Variants in CROCC2 observed in about 807,000 individuals in gnomAD.
CROCC2 encodes the protein ciliary rootlet coiled-coil, rootletin family member 2, also known as ciliary rootlet coiled-coil protein 2.
A neutral mutation model predicts 177.6 loss-of-function variants in CROCC2; 163 were observed. The observed-to-expected ratio is 0.92, with a 90% CI of 0.81 to 1.05. The LOEUF (loss-of-function observed/expected upper bound fraction) is 1.05. Among genes scored for constraint, CROCC2 ranks in the 50% least tolerant of loss-of-function variants. The probability of loss-of-function intolerance (pLI) is 0.00; values close to 1 mark genes in which losing one functional copy is unlikely to be tolerated. For synonymous variants in CROCC2, 904 were observed against 787.3 expected, an observed-to-expected ratio of 1.15 and a Z score of -2.48; for missense variants, 1,929 against 1,797.8, an observed-to-expected ratio of 1.07 and a Z score of -1.32.
intron 28 of CROCC2, chr2:240,985,960 C>A (rs571928189): frequency 4.4e-6 from 2 of 456,596 alleles, no homozygotes; most frequent in South Asian, 3.1e-5. Flanking sequence ...CACACCGATC[C>A]CTCTTTCTGT....
chr2:240,928,391 A>G (rs1162068073), intron 5 of CROCC2, among the ~76,000 whole-genome samples: 1 of 150,404 alleles, frequency 6.6e-6, no homozygotes, highest in Admixed American at 6.7e-5. Context: ...TTTTCCTTAT[A>G]ATCTCTTGCA....
chr2:240,948,927 T>C (rs1351061967), intron 15 of CROCC2, 52 bp from the exon 16 acceptor site: 5 of 1,522,378 alleles, frequency 3.3e-6, no homozygotes, highest in Admixed American at 3.9e-5. Flanking sequence ...GAGAGCATTT[T>C]ACACGCAGGA....
At position 240,933,613 on chromosome 2, in the gene CROCC2, C is replaced by T. The variant is rs576603682; in HGVS notation, c.1464-57C>T. 294 of 1,515,322 alleles carry T rather than the reference C, an allele frequency of 1.9e-4. 3 individuals are homozygous for T. The South Asian group carries it at 3.3e-3, about 17-fold the overall frequency. 93.9% of individuals were successfully genotyped at this position (1,515,322 alleles called of 1,614,324 possible). ...CCAGCCCCCAATGCCCACCAAGGCA[C>T]GCGGTGCACCTTGAATGTGTCCAGG... On this transcript the variant is annotated intron_variant, in intron 10 of 31. Coordinates refer to ENST00000690015, the MANE Select transcript of CROCC2 (RefSeq NM_001351305.2).
At chr2:240,941,551 A>G (rs1031207601) in intron 14 of CROCC2, among the ~76,000 whole-genome samples, 1 of 152,248 alleles carries the variant, frequency 6.6e-6, no homozygotes, top group Non-Finnish European at 1.5e-5. Context: ...CTGATGTTCG[A>G]CAAAACAATC....
In CROCC2 at chr2:240,983,291, C is replaced by T. The variant is rs548906637; in HGVS notation, c.4551+262C>T. The T allele has an allele frequency of 1.3e-5, 14 of 1,077,196 alleles. No individual in the cohort carries two copies. In the South Asian group the frequency reaches 2.2e-4, roughly 17 times the overall value. 66.7% of individuals were successfully genotyped at this position (1,077,196 alleles called of 1,614,324 possible). Reference sequence around the variant, plus strand: ...TGCCGTACAGTAAGCACCCCTACAACAGAGGAGTCAGCTGTGGACACGCCG... The same window carrying T: ...TGCCGTACAGTAAGCACCCCTACAATAGAGGAGTCAGCTGTGGACACGCCG... On this transcript the variant is annotated intron_variant, in intron 28 of 31. Coordinates refer to ENST00000690015, the MANE Select transcript of CROCC2 (RefSeq NM_001351305.2).
rs1004906527 is a variant in CROCC2, at chr2:240,917,619, C to T, written c.79-1107C>T. On this transcript the variant is annotated intron_variant, in intron 1 of 31. Coordinates refer to ENST00000690015, the MANE Select transcript of CROCC2 (RefSeq NM_001351305.2). The surrounding 1 kb of genome is among the most constrained non-coding windows in gnomAD (Gnocchi z 4.9). ...CAGGGAGAGGGGTCCTCTGTGCTGG[C>T]GTGGGAGCCAGGCAAGGAGGACTTG... Among the ~76,000 whole-genome samples the T allele has an allele frequency of 4.6e-5, 7 of 152,094 alleles. No homozygotes were observed. The highest frequency in any genetic ancestry group is 1.4e-4 in the African/African-American group (6 of 41,418).
rs921760300 is a variant in CROCC2 at position 240,972,364 on chromosome 2, G to A, written c.4401+4102G>A. On this transcript the variant is annotated intron_variant, in intron 27 of 31. Transcript: ENST00000690015. The surrounding 1 kb of genome is among the most constrained non-coding windows in gnomAD (Gnocchi z 7.1). ...TTCCTGAAGTGGGCGGGGTGGGAGC[G>A]GCGCTCTCCGGTGCACGGTCACGGT... is the stretch of plus-strand genomic sequence containing the variant. Among the ~76,000 whole-genome samples the A allele has an allele frequency of 9.9e-5, 15 of 151,966 alleles. No homozygotes were observed. The highest frequency in any genetic ancestry group is 2.1e-4 in the South Asian group (1 of 4,834).
intron 30 of CROCC2, among the ~76,000 whole-genome samples, chr2:240,990,601 G>T (rs1458506068): frequency 1.3e-5 from 2 of 150,692 alleles, no homozygotes; most frequent in African/African-American, 5.0e-5. Context: ...TGTTTTGTTT[G>T]AAATGGATTC....
intron 31 of CROCC2, 116 bp from the exon 32 acceptor site, chr2:240,992,950 A>T: frequency 1.5e-6 from 1 of 650,818 alleles, no homozygotes; most frequent in Non-Finnish European, 2.9e-6. Flanking sequence ...CAGAAGTTCA[A>T]GGTTCCCAGT....
At chr2:240,924,947 GCCC>G (rs1186650192) in intron 4 of CROCC2, among the ~76,000 whole-genome samples, 1 of 13,570 alleles carries the variant, frequency 7.4e-5, no homozygotes, top group Admixed American at 8.3e-4. Context: ...CACTGACCCA[GCCC>G]CCACACTAAC....
chr2:240,932,936 C>T, intron 9 of CROCC2, 28 bp downstream of exon 9: 1 of 1,542,198 alleles, frequency 6.5e-7, no homozygotes, highest in Non-Finnish European at 8.7e-7. Context: ...ACAGGACTCC[C>T]TGTCTCCCTG....
At chr2:240,935,099 C>T in intron 13 of CROCC2, 37 bp downstream of exon 13, 3 of 1,324,944 alleles carry the variant, frequency 2.3e-6, no homozygotes, top group Non-Finnish European at 2.9e-6. Flanking sequence ...CTCGCTGGAA[C>T]CTGTTTCCCA....
intron 19 of CROCC2, 94 bp downstream of exon 19, chr2:240,956,066 C>A: frequency 2.3e-6 from 2 of 863,106 alleles, no homozygotes; most frequent in Non-Finnish European, 1.8e-6. Context: ...GTGGCATGAC[C>A]CTCTCCATCC....
rs996344523 is a variant in CROCC2 at position 240,964,202 on chromosome 2, G to A, written c.3306-264G>A. ...CTGGATGTTGAGCGTCCGGGAGTGT[G>A]ACAGAGAGGGGGAGACAGGGAGGGA... On this transcript the variant is annotated intron_variant, in intron 21 of 31. Coordinates refer to ENST00000690015, the MANE Select transcript of CROCC2 (RefSeq NM_001351305.2). 5 of 569,760 alleles carry A rather than the reference G, an allele frequency of 8.8e-6. No individual in the cohort carries two copies. In the Admixed American group the frequency reaches 1.2e-4, roughly 14 times the overall value. The allele number at this position is 569,760 out of a possible 1,614,324, so 35.3% of individuals were successfully genotyped here.
intron 15 of CROCC2, among the ~76,000 whole-genome samples, chr2:240,948,582 A>C (rs913682407): frequency 6.6e-6 from 1 of 152,228 alleles, no homozygotes; most frequent in Non-Finnish European, 1.5e-5. Flanking sequence ...TGATGAATTA[A>C]CTGTTAGAAA....
At chr2:240,920,749 A>T (rs529241664) in intron 3 of CROCC2, among the ~76,000 whole-genome samples, 65 of 152,342 alleles carry the variant, frequency 4.3e-4, no homozygotes, top group African/African-American at 1.5e-3. Context: ...ATATTTAGTC[A>T]CAAAATGTGG....
At chr2:240,983,666 G>C in intron 28 of CROCC2, 1 of 1,255,342 alleles carries the variant, frequency 8.0e-7, no homozygotes, top group Non-Finnish European at 1.0e-6. Flanking sequence ...GCTGGCCCAC[G>C]CATGCTTCTG....
chr2:240,949,246 A>G lies in CROCC2; in HGVS notation c.2482+149A>G, dbSNP rs1254178382. On this transcript the variant is annotated intron_variant, in intron 16 of 31. Coordinates refer to ENST00000690015, the MANE Select transcript of CROCC2 (RefSeq NM_001351305.2). This position sits in a 1 kb window ranked among gnomAD's most constrained non-coding sequence, Gnocchi z 4.5. The stretch of plus-strand genomic sequence containing the variant: ...AGCTTGGAGCTCATGCGACTGAGCG[A>G]CTTGGGCCACCCTCGCCCATGAGGA... 7.1e-7 allele frequency: 1 copy of G among 1,409,240 alleles called. No individual in the cohort carries two copies. Among genetic ancestry groups the G allele is most frequent in the East Asian group, 2.5e-5 (1 of 39,798 alleles). 87.3% of individuals were successfully genotyped at this position (1,409,240 alleles called of 1,614,324 possible).
chr2:240,910,114 T>C (rs1324164267), intron 1 of CROCC2, among the ~76,000 whole-genome samples: 3 of 151,986 alleles, frequency 2.0e-5, no homozygotes, highest in Non-Finnish European at 4.4e-5. Context: ...GGAGCTGGAA[T>C]TGGATGTAAA....
Sources: allele counts gnomAD v4.1 joint callset (sites outside exome capture counted in the v4.1 genomes callset), GRCh38; gene constraint gnomAD v4.1.1; non-coding constraint Gnocchi (gnomAD v3.1); transcripts MANE v1.5; gene names NCBI Gene and HGNC (gene_info 2026-07-23, HGNC 2026-07-21).